The following ATF7IP variants were observed in gnomAD, a reference collection of about 807,000 sequenced individuals.
ATF7IP encodes the protein activating transcription factor 7 interacting protein, also known as activating transcription factor 7-interacting protein 1.
ATF7IP carries 23 observed loss-of-function variants against 106.4 expected under a neutral mutation model. The observed-to-expected ratio is 0.22, with a 90% CI of 0.16 to 0.31. The LOEUF (loss-of-function observed/expected upper bound fraction) is 0.31. Ranked by LOEUF, ATF7IP falls within the 10% of genes least tolerant of loss-of-function variation. ATF7IP has a pLI of 1.00. For synonymous variants in ATF7IP, 542 were observed against 539.0 expected (o/e 1.01, Z -0.08); for missense variants, 1,334 against 1,524.3 (o/e 0.88, Z 2.08).
chr12:14,379,502 CTA>C (rs1004754794), intron 1 of ATF7IP, among the ~76,000 whole-genome samples: 1 of 151,908 alleles, frequency 6.6e-6, no homozygotes, highest in African/African-American at 2.4e-5. Flanking sequence ...TTTCCAAATG[CTA>C]TGTCTTTTTA....
At chr12:14,404,840 T>TTTA (rs1327654487) in intron 1 of ATF7IP, among the ~76,000 whole-genome samples, 2 of 151,988 alleles carry the variant, frequency 1.3e-5, no homozygotes, top group African/African-American at 2.4e-5. Flanking sequence ...GCTTATTTGA[T>TTTA]ATGATGATTA....
intron 10 of ATF7IP, among the ~76,000 whole-genome samples, chr12:14,470,038 A>G (rs1173177499): frequency 2.6e-5 from 4 of 152,162 alleles, no homozygotes; most frequent in Admixed American, 6.5e-5. Context: ...TACATCATCA[A>G]TCTTCATTCA....
chr12:14,476,643 A>G (rs1038729595), intron 11 of ATF7IP, among the ~76,000 whole-genome samples: 2 of 152,104 alleles, frequency 1.3e-5, no homozygotes, highest in African/African-American at 2.4e-5. Flanking sequence ...TCTTGGGAGT[A>G]AAATCCAGCT....
At chr12:14,421,823 A>G (rs1941527187) in intron 1 of ATF7IP, among the ~76,000 whole-genome samples, 1 of 152,196 alleles carries the variant, frequency 6.6e-6, no homozygotes, top group Admixed American at 6.5e-5. Flanking sequence ...GTCAGAATGC[A>G]TCATGGCTTG....
In ATF7IP at chr12:14,424,165, A is replaced by G; in HGVS notation, c.250A>G (p.Ser84Gly). ...AGAGATTTGTTTTGATCCTGAAGGAAGTAAAGCAGAATGGAAGGAAACACC... is the reference window on the plus strand; with the variant it reads ...AGAGATTTGTTTTGATCCTGAAGGAGGTAAAGCAGAATGGAAGGAAACACC... ...IEEICFDPEG[S>G]KAEWKETPCI... The change falls in exon 2 of 15, where the codon AGT (serine) becomes GGT (glycine). Residue 84 changes from serine (S) to glycine (G), a missense_variant. Coordinates refer to ENST00000261168, the MANE Select transcript of ATF7IP (RefSeq NM_018179.5). 3 of 1,614,218 alleles carry G rather than the reference A, an allele frequency of 1.9e-6. No homozygotes were observed. Among genetic ancestry groups the G allele is most frequent in the East Asian group, 2.2e-5 (1 of 44,880 alleles).
In ATF7IP at chr12:14,424,413, T is replaced by C. The variant is rs1941720507; in HGVS notation, c.498T>C (p.Ser166=). The change falls in exon 2 of 15, where the codon TCT becomes TCC. Residue 166 remains serine, a synonymous_variant. Coordinates refer to ENST00000261168, the MANE Select transcript of ATF7IP (RefSeq NM_018179.5). ...ATCCCACCTCTAGCGAGCCCTCCTC[T>C]AGTGATGCTGCCTCTGGTGATGCAA... ...SGDPTSSEPS[S]SDAASGDATS... 3.7e-6 allele frequency: 6 copies of C among 1,613,666 alleles called. No homozygotes were observed. Among genetic ancestry groups the C allele is most frequent in the Non-Finnish European group, 5.1e-6 (6 of 1,179,778 alleles).
At chr12:14,375,456 A>G (rs1938700806) in intron 1 of ATF7IP, among the ~76,000 whole-genome samples, 1 of 152,156 alleles carries the variant, frequency 6.6e-6, no homozygotes, top group Admixed American at 6.5e-5. Flanking sequence ...GGAATGATAT[A>G]ATTATTTTGT....
chr12:14,436,119 A>G lies in ATF7IP; in HGVS notation c.1659A>G (p.Arg553=), dbSNP rs373009081. The G allele has an allele frequency of 3.4e-5, 55 of 1,612,740 alleles. No homozygotes were observed. The African/African-American group carries it at 6.1e-4, about 18-fold the overall frequency. The part of the protein sequence containing the change: ...ERPSEKNEFS[R]RKRSKSEDMD... ...TTTCCTTCTCAGATGAATTTTCTAG[A>G]CGAAAACGTTCTAAATCAGAAGACA... Residue 553 remains arginine (R), a synonymous_variant, in exon 4 of 15, where the codon AGA becomes AGG. Coordinates refer to ENST00000261168, the MANE Select transcript of ATF7IP (RefSeq NM_018179.5).
intron 13 of ATF7IP, among the ~76,000 whole-genome samples, chr12:14,485,479 T>C (rs537685982): frequency 2.2e-3 from 341 of 152,244 alleles, no homozygotes; most frequent in African/African-American, 7.5e-3. Flanking sequence ...ATCAGTAAGT[T>C]CAGTGTTTTT....
chr12:14,443,690 T>C (rs577525213), intron 5 of ATF7IP, among the ~76,000 whole-genome samples: 5 of 152,346 alleles, frequency 3.3e-5, no homozygotes, highest in African/African-American at 9.6e-5. Flanking sequence ...TAATAGATGT[T>C]GCTATTTAGA....
In ATF7IP at chr12:14,424,985, C is replaced by A. The variant is rs764344583; in HGVS notation, c.1070C>A (p.Thr357Lys). Reference protein sequence around the residue: ...ANEETLETDDTTICSDRPPEN... With the variant: ...ANEETLETDDKTICSDRPPEN... ...GAAGAAACTCTAGAAACAGATGATA[C>A]AACTATTTGTTCAGATCGACCTCCT... The change falls in exon 2 of 15, where the codon ACA becomes AAA. Residue 357 changes from threonine (T) to lysine (K), a missense_variant. Thr to Lys is a moderately conservative substitution (Grantham distance 78, BLOSUM62 -1). Around this residue, in one of 10 missense-constraint regions of ATF7IP, gnomAD observed 438 missense variants for 405.3 expected, o/e 1.08. Transcript: ENST00000261168. The A allele has an allele frequency of 3.7e-6, 6 of 1,610,572 alleles. No individual in the cohort carries two copies. Among genetic ancestry groups the A allele is most frequent in the Non-Finnish European group, 5.1e-6 (6 of 1,179,154 alleles).
rs187010532 is a variant in ATF7IP at position 14,419,169 on chromosome 12, T to C, written c.-7-4740T>C. On this transcript the variant is annotated intron_variant, in intron 1 of 14. Coordinates refer to ENST00000261168, the MANE Select transcript of ATF7IP (RefSeq NM_018179.5). Reference sequence around the variant, plus strand: ...CTCATGGCAACCTTTGTGACAGGTGTTGGTATTAGTCCCTTTTTAAGGTAA... The same window carrying C: ...CTCATGGCAACCTTTGTGACAGGTGCTGGTATTAGTCCCTTTTTAAGGTAA... 2.7e-4 allele frequency: 41 copies of C among 152,246 alleles called. No individual in the cohort carries two copies. In the East Asian group the frequency reaches 7.7e-3, roughly 29 times the overall value. The allele number at this position is 152,246 out of a possible 1,614,324, so 9.4% of individuals were successfully genotyped here. A position where few individuals can be genotyped will look rare whatever the true frequency, so the allele number is the denominator to read the frequency against.
chr12:14,457,909 A>T (rs1451824296), intron 8 of ATF7IP, among the ~76,000 whole-genome samples: 1 of 152,052 alleles, frequency 6.6e-6, no homozygotes, highest in Non-Finnish European at 1.5e-5. Context: ...AGCCTGTCCA[A>T]CATGGTGAAA....
chr12:14,467,118 T>C (rs989380918), intron 10 of ATF7IP, among the ~76,000 whole-genome samples: 1 of 152,190 alleles, frequency 6.6e-6, no homozygotes, highest in African/African-American at 2.4e-5. Flanking sequence ...GGTAATAGAA[T>C]AACTACTTCT....
chr12:14,462,059 A>G (rs1262875214), intron 9 of ATF7IP, among the ~76,000 whole-genome samples: 2 of 152,138 alleles, frequency 1.3e-5, no homozygotes, highest in East Asian at 3.8e-4. Context: ...CAATGACGGT[A>G]TTTCACAGAG....
At chr12:14,442,713 T>C (rs1472798154) in intron 5 of ATF7IP, among the ~76,000 whole-genome samples, 1 of 152,240 alleles carries the variant, frequency 6.6e-6, no homozygotes, top group African/African-American at 2.4e-5. Flanking sequence ...CAAATTGTTC[T>C]ATTGGTCTGA....
At chr12:14,372,686 A>T (rs1255088555) in intron 1 of ATF7IP, among the ~76,000 whole-genome samples, 2 of 152,118 alleles carry the variant, frequency 1.3e-5, no homozygotes, top group Admixed American at 6.6e-5. Context: ...AACTAGCTGT[A>T]TTTGGGAGAG....
chr12:14,396,672 G>A (rs761275671), intron 1 of ATF7IP, among the ~76,000 whole-genome samples: 14 of 152,078 alleles, frequency 9.2e-5, no homozygotes. Flanking sequence ...CTATTATATT[G>A]GTTAGGGGAA....
chr12:14,465,021 G>A (rs1943776823), intron 9 of ATF7IP, among the ~76,000 whole-genome samples: 1 of 152,126 alleles, frequency 6.6e-6, no homozygotes, highest in Admixed American at 6.5e-5. Flanking sequence ...ATTGAGACCA[G>A]CCTGGCCAGC....
Sources: allele counts gnomAD v4.1 joint callset (sites outside exome capture counted in the v4.1 genomes callset), GRCh38; gene constraint gnomAD v4.1.1; regional missense constraint gnomAD v4.1.1; transcripts MANE v1.5; gene names NCBI Gene and HGNC (gene_info 2026-07-23, HGNC 2026-07-21).